The following LRRC4B variants were observed in gnomAD, a reference collection of about 807,000 sequenced individuals.
The protein encoded by LRRC4B is leucine-rich repeat-containing protein 4B.
A neutral mutation model predicts 7.3 loss-of-function variants in LRRC4B; 1 was observed. The ratio of observed to expected loss-of-function variants is 0.14; its 90% confidence interval spans 0.05 to 0.65. The LOEUF (loss-of-function observed/expected upper bound fraction) is 0.65. Ranked by LOEUF, LRRC4B falls within the 30% of genes least tolerant of loss-of-function variation. The pLI is 0.84. For missense variants in LRRC4B, 730 were observed against 1,041.6 expected, an observed-to-expected ratio of 0.70 and a Z score of 4.12; for synonymous variants, 500 against 499.2, an observed-to-expected ratio of 1.00 and a Z score of -0.02.
chr19:50,521,285 AGGGAAGGGCAT>A (rs1555805496), intron 2 of LRRC4B, among the ~76,000 whole-genome samples: 1 of 151,810 alleles, frequency 6.6e-6, no homozygotes, highest in Non-Finnish European at 1.5e-5. Flanking sequence ...TGGGGCAGAC[AGGGAAGGGCAT>A]GAGAGAGCTT....
chr19:50,517,657 TGCCCCCGCA>T lies in LRRC4B; in HGVS notation c.2047_2055del (p.Cys683_Gly685del). 1 of 1,512,492 alleles carries T rather than the reference TGCCCCCGCA, an allele frequency of 6.6e-7. No individual in the cohort carries two copies. Among genetic ancestry groups the T allele is most frequent in the Non-Finnish European group, 8.8e-7 (1 of 1,134,670 alleles). The allele number at this position is 1,512,492 out of a possible 1,614,324, so 93.7% of individuals were successfully genotyped here. A position where few individuals can be genotyped will look rare whatever the true frequency, so the allele number is the denominator to read the frequency against. ...ATGGAGTTGAGGCCAGGCGGGCCTT[TGCCCCCGCA>T]GCCCCCGCCGCTGGGGTTGCTGCTG... On this transcript the variant is annotated inframe_deletion, in exon 3 of 3. Coordinates refer to ENST00000652263, the MANE Select transcript of LRRC4B (RefSeq NM_001080457.2). The surrounding 1 kb of genome is among the most constrained non-coding windows in gnomAD (Gnocchi z 6.6).
At chr19:50,560,977 G>A (rs1383783942) in intron 1 of LRRC4B, among the ~76,000 whole-genome samples, 3 of 152,122 alleles carry the variant, frequency 2.0e-5, no homozygotes, top group Non-Finnish European at 4.4e-5. Flanking sequence ...TGTAATCCCA[G>A]CTACTCAAGA....
At chr19:50,524,071 G>C (rs1274619) in intron 2 of LRRC4B, among the ~76,000 whole-genome samples, 117,636 of 152,070 alleles carry the variant, frequency 0.77, 46,308 homozygotes, top group African/African-American at 0.93. Context: ...CCTCAATGAG[G>C]AAAAATTACT....
chr19:50,531,883 A>G (rs779601505), intron 2 of LRRC4B, among the ~76,000 whole-genome samples: 1 of 152,236 alleles, frequency 6.6e-6, no homozygotes, highest in Non-Finnish European at 1.5e-5. Context: ...GCGAGCATGC[A>G]GTAATAGATA....
intron 1 of LRRC4B, among the ~76,000 whole-genome samples, chr19:50,561,596 G>A (rs940843170): frequency 1.3e-5 from 2 of 152,042 alleles, no homozygotes; most frequent in Non-Finnish European, 1.5e-5. Flanking sequence ...TTAGCTGGGT[G>A]TGGTGGTGCA....
intron 2 of LRRC4B, among the ~76,000 whole-genome samples, chr19:50,534,472 C>T (rs1790460122): frequency 6.6e-6 from 1 of 152,022 alleles, no homozygotes; most frequent in Middle Eastern, 3.4e-3. Context: ...CAGTAGAGGA[C>T]CTAGGCCTGG....
intron 1 of LRRC4B, among the ~76,000 whole-genome samples, chr19:50,560,978 C>G (rs1028966437): frequency 6.6e-6 from 1 of 152,128 alleles, no homozygotes; most frequent in Non-Finnish European, 1.5e-5. Context: ...GTAATCCCAG[C>G]TACTCAAGAG....
intron 2 of LRRC4B, among the ~76,000 whole-genome samples, chr19:50,530,470 C>T (rs1004737457): frequency 6.6e-6 from 1 of 152,212 alleles, no homozygotes. Context: ...TTTCATCCAC[C>T]GGGAAAGCTC....
Position 50,519,856 on chromosome 19 carries a change from G to C in LRRC4B, c.298-441C>G, listed in dbSNP as rs1156404461. ...CCACTGCACTCCTGCCTGGGCAACA[G>C]AGCAAGACTCCATGTAGAAACAAAC... On this transcript the variant is annotated intron_variant, in intron 2 of 2. Coordinates refer to ENST00000652263, the MANE Select transcript of LRRC4B (RefSeq NM_001080457.2). This position sits in a 1 kb window ranked among gnomAD's most constrained non-coding sequence, Gnocchi z 8.1. Among the ~76,000 whole-genome samples the C allele has an allele frequency of 1.4e-5, 2 of 146,364 alleles. No individual in the cohort carries two copies. Among genetic ancestry groups the C allele is most frequent in the Non-Finnish European group, 3.0e-5 (2 of 66,484 alleles).
intron 1 of LRRC4B, among the ~76,000 whole-genome samples, chr19:50,566,526 G>T (rs1982635048): frequency 6.6e-6 from 1 of 151,328 alleles, no homozygotes; most frequent in East Asian, 2.0e-4. Context: ...GAGGAGAGCA[G>T]AGGTGAGGAG....
At chr19:50,557,975 A>G (rs1385713243) in intron 1 of LRRC4B, 1 of 152,154 alleles carries the variant, frequency 6.6e-6, no homozygotes, top group Non-Finnish European at 1.5e-5. Flanking sequence ...CATTTTCTCA[A>G]TAACATTTTC....
intron 2 of LRRC4B, among the ~76,000 whole-genome samples, chr19:50,529,172 A>G (rs1304946945): frequency 6.6e-6 from 1 of 151,952 alleles, no homozygotes; most frequent in Non-Finnish European, 1.5e-5. Flanking sequence ...GACGCTAAAC[A>G]CCAACAGCAA....
chr19:50,552,916 G>A (rs868608569), intron 1 of LRRC4B, among the ~76,000 whole-genome samples: 8 of 152,198 alleles, frequency 5.3e-5, no homozygotes, highest in East Asian at 1.9e-4. Context: ...GGTGAGTGCC[G>A]AGAGGCCTGG....
chr19:50,548,492 C>G lies in LRRC4B; in HGVS notation c.297+50G>C. On this transcript the variant is annotated intron_variant, in intron 2 of 2. Coordinates refer to ENST00000652263, the MANE Select transcript of LRRC4B (RefSeq NM_001080457.2). This position sits in a 1 kb window ranked among gnomAD's most constrained non-coding sequence, Gnocchi z 6.8. ...GAAGGGATGGGCTACATCTGCATGC[C>G]TCCCCAGTGTCCCCTCCAAGGTCCC... 1.9e-6 allele frequency: 3 copies of G among 1,549,914 alleles called. No individual in the cohort carries two copies. Among genetic ancestry groups the G allele is most frequent in the Non-Finnish European group, 2.6e-6 (3 of 1,154,960 alleles).
At chr19:50,525,137 T>C (rs922140978) in intron 2 of LRRC4B, among the ~76,000 whole-genome samples, 22 of 152,162 alleles carry the variant, frequency 1.4e-4, no homozygotes, top group Admixed American at 5.2e-4. Context: ...AGCAGAGCCC[T>C]GTTCAAATCC....
At chr19:50,551,558 C>A (rs1982067132) in intron 1 of LRRC4B, among the ~76,000 whole-genome samples, 1 of 139,348 alleles carries the variant, frequency 7.2e-6, no homozygotes, top group African/African-American at 2.7e-5. Context: ...CTCGGTCCTC[C>A]CCCTCCGCCT....
chr19:50,543,884 AAAAAAG>A (rs1981674281), intron 2 of LRRC4B, among the ~76,000 whole-genome samples: 2 of 150,552 alleles, frequency 1.3e-5, no homozygotes, highest in African/African-American at 2.4e-5. Context: ...GAAAGAAAAG[AAAAAAG>A]AAAAAGAAGG....
rs559638516 is a variant in LRRC4B, at chr19:50,519,632, T to G, written c.298-217A>C. Among the ~76,000 whole-genome samples, 7 of 152,250 alleles carry G rather than the reference T, an allele frequency of 4.6e-5. No homozygotes were observed. In the South Asian group the frequency reaches 1.5e-3, roughly 32 times the overall value. ...TGGCTCACGCCTGTAATCTCAGCAC[T>G]TTGGGAGGCCGAGGCAGGTGGATCA... On this transcript the variant is annotated intron_variant, in intron 2 of 2. Coordinates refer to ENST00000652263, the MANE Select transcript of LRRC4B (RefSeq NM_001080457.2). The surrounding 1 kb of genome is among the most constrained non-coding windows in gnomAD (Gnocchi z 8.1).
At chr19:50,533,497 TCTC>T in intron 2 of LRRC4B, among the ~76,000 whole-genome samples, 1 of 152,164 alleles carries the variant, frequency 6.6e-6, no homozygotes, top group East Asian at 1.9e-4. Context: ...ATTCTTCTCT[TCTC>T]CTCCCAAATA....
Sources: allele counts gnomAD v4.1 joint callset (sites outside exome capture counted in the v4.1 genomes callset), GRCh38; gene constraint gnomAD v4.1.1; non-coding constraint Gnocchi (gnomAD v3.1); transcripts MANE v1.5; gene names NCBI Gene and HGNC (gene_info 2026-07-23, HGNC 2026-07-21).